Variants in XIRP2 observed in about 807,000 individuals in gnomAD.
XIRP2 encodes xin actin-binding repeat-containing protein 2.
XIRP2 carries 236 observed loss-of-function variants against 277.0 expected under a neutral mutation model. That is an observed-to-expected ratio of 0.85 (90% CI 0.77 to 0.95). The LOEUF (loss-of-function observed/expected upper bound fraction) is 0.95. Ranked by LOEUF, XIRP2 falls within the 40% of genes least tolerant of loss-of-function variation. The probability of loss-of-function intolerance (pLI) is 0.00; values close to 1 mark genes in which losing one functional copy is unlikely to be tolerated. For synonymous variants in XIRP2, 1,490 were observed against 1,416.5 expected (o/e 1.05, Z -1.17); for missense variants, 4,640 against 4,157.5 (o/e 1.12, Z -3.19).
At chr2:167,021,346 T>G (rs1000940938) in intron 2 of XIRP2, among the ~76,000 whole-genome samples, 43 of 152,220 alleles carry the variant, frequency 2.8e-4, no homozygotes, top group African/African-American at 9.9e-4. Context: ...AGAAAAATTG[T>G]ATGGTGATAC....
intron 2 of XIRP2, among the ~76,000 whole-genome samples, chr2:167,078,651 A>G (rs1367475563): frequency 1.3e-5 from 2 of 152,078 alleles, no homozygotes; most frequent in Non-Finnish European, 2.9e-5. Context: ...CCTGGCTAAC[A>G]TGGTGAAACC....
Position 167,248,442 on chromosome 2 carries a change from A to G in XIRP2, c.7050A>G (p.Pro2350=). The change falls in exon 9 of 11, where the codon CCA becomes CCG. Residue 2350 remains proline, a synonymous_variant. Coordinates refer to ENST00000409195, the MANE Select transcript of XIRP2 (RefSeq NM_152381.6). ...CAGGCCTCCCTCTTCCTCCACCTCC[A>G]GTAGATGAGAAATCTGAAAGAGAAA... ...SFPGLPLPPP[P]VDEKSERESS... The G allele has an allele frequency of 1.2e-6, 2 of 1,613,668 alleles. No homozygotes were observed. The highest frequency in any genetic ancestry group is 1.7e-6 in the Non-Finnish European group (2 of 1,179,766).
At chr2:166,934,205 A>AAC (rs1237839405) in intron 2 of XIRP2, among the ~76,000 whole-genome samples, 9 of 150,938 alleles carry the variant, frequency 6.0e-5, no homozygotes, top group African/African-American at 2.2e-4. Context: ...CAAAAAAAAA[A>AAC]AAAAAAAAAC....
At chr2:166,951,081 G>C (rs572236826) in intron 2 of XIRP2, among the ~76,000 whole-genome samples, 1 of 151,974 alleles carries the variant, frequency 6.6e-6, no homozygotes, top group African/African-American at 2.4e-5. Flanking sequence ...TAAAAACGAC[G>C]GAGTGGAGAA....
intron 2 of XIRP2, among the ~76,000 whole-genome samples, chr2:167,081,273 C>G (rs955565423): frequency 1.3e-5 from 2 of 151,958 alleles, no homozygotes; most frequent in Non-Finnish European, 2.9e-5. Context: ...TGAGACCAGC[C>G]TGGGCAACAC....
At chr2:167,219,832 G>A (rs969918240) in intron 5 of XIRP2, among the ~76,000 whole-genome samples, 1 of 152,158 alleles carries the variant, frequency 6.6e-6, no homozygotes, top group African/African-American at 2.4e-5. Flanking sequence ...TACTATGGAG[G>A]TTTAATGTGA....
At chr2:167,217,360 A>T (rs1694283951) in intron 4 of XIRP2, among the ~76,000 whole-genome samples, 1 of 152,098 alleles carries the variant, frequency 6.6e-6, no homozygotes, top group Admixed American at 6.6e-5. Context: ...TCTAATGTTA[A>T]AGCCCCCTGA....
At chr2:167,228,783 G>GGATT (rs1553502081) in intron 5 of XIRP2, among the ~76,000 whole-genome samples, 2 of 152,066 alleles carry the variant, frequency 1.3e-5, no homozygotes, top group Non-Finnish European at 2.9e-5. Flanking sequence ...TTCCAAAATA[G>GGATT]GATTTGTAGG....
intron 5 of XIRP2, among the ~76,000 whole-genome samples, chr2:167,236,868 A>G (rs933321096): frequency 1.4e-4 from 22 of 152,134 alleles, no homozygotes; most frequent in Non-Finnish European, 1.5e-4. Flanking sequence ...CATTACGATG[A>G]TCCAGCTTTC....
chr2:167,116,963 T>C (rs1690913560), intron 2 of XIRP2, among the ~76,000 whole-genome samples: 1 of 152,136 alleles, frequency 6.6e-6, no homozygotes, highest in Non-Finnish European at 1.5e-5. Context: ...AGAAATATGG[T>C]TTCATGTACA....
intron 10 of XIRP2, 116 bp from the exon 11 acceptor site, chr2:167,257,741 C>A: frequency 1.0e-6 from 1 of 966,474 alleles, no homozygotes; most frequent in Non-Finnish European, 1.5e-6. Flanking sequence ...TAGGGCCATT[C>A]CCATTGCTAG....
At chr2:167,009,713 C>T (rs2105467788) in intron 2 of XIRP2, among the ~76,000 whole-genome samples, 1 of 152,142 alleles carries the variant, frequency 6.6e-6, no homozygotes, top group South Asian at 2.1e-4. Context: ...TCTCCACATC[C>T]TCTCCAGCAC....
intron 3 of XIRP2, among the ~76,000 whole-genome samples, chr2:167,192,272 A>G (rs1394957568): frequency 6.6e-6 from 1 of 152,206 alleles, no homozygotes; most frequent in Non-Finnish European, 1.5e-5. Context: ...AAAACAATGA[A>G]CATTAAATTT....
At chr2:166,915,299 C>CAAAAAAAAAA (rs993808427) in intron 2 of XIRP2, among the ~76,000 whole-genome samples, 2 of 40,118 alleles carry the variant, frequency 5.0e-5, no homozygotes, top group African/African-American at 9.4e-5. Flanking sequence ...GACTCCGTCT[C>CAAAAAAAAAA]AAAAAAAAAA....
intron 2 of XIRP2, among the ~76,000 whole-genome samples, chr2:167,112,012 C>T (rs755225391): frequency 1.3e-5 from 2 of 152,038 alleles, no homozygotes; most frequent in Non-Finnish European, 2.9e-5. Context: ...GATAACACTG[C>T]CTTTGTTATT....
rs767027050 is a variant in XIRP2, at chr2:167,245,828, A to G, written c.4436A>G (p.Gln1479Arg). ...LEYENIKTVT[Q>R]EDVQKGDVKQ... is the part of the protein sequence containing the mutation. Reference sequence around the variant, plus strand: ...TATGAAAATATCAAGACAGTCACTCAGGAAGATGTGCAGAAAGGTGATGTT... The same window carrying G: ...TATGAAAATATCAAGACAGTCACTCGGGAAGATGTGCAGAAAGGTGATGTT... Residue 1479 changes from glutamine (Q) to arginine (R), a missense_variant, in exon 9 of 11, where the codon CAG becomes CGG. Coordinates refer to ENST00000409195, the MANE Select transcript of XIRP2 (RefSeq NM_152381.6). The G allele has an allele frequency of 1.2e-6, 2 of 1,613,786 alleles. No homozygotes were observed. Among genetic ancestry groups the G allele is most frequent in the Non-Finnish European group, 1.7e-6 (2 of 1,179,776 alleles).
At chr2:166,920,044 C>T (rs1684996718) in intron 2 of XIRP2, among the ~76,000 whole-genome samples, 1 of 151,990 alleles carries the variant, frequency 6.6e-6, no homozygotes, top group Non-Finnish European at 1.5e-5. Flanking sequence ...TTGAGTTTAC[C>T]GTTGAATGCC....
intron 2 of XIRP2, among the ~76,000 whole-genome samples, chr2:167,026,791 C>T (rs1412740181): frequency 1.3e-5 from 2 of 151,840 alleles, no homozygotes; most frequent in African/African-American, 4.8e-5. Flanking sequence ...CCCCCACTCT[C>T]TTCTGGGTTG....
chr2:167,248,366 T>G lies in XIRP2; in HGVS notation c.6974T>G (p.Phe2325Cys), dbSNP rs765634744. The G allele has an allele frequency of 6.8e-6, 11 of 1,613,740 alleles. No individual in the cohort carries two copies. The highest frequency in any genetic ancestry group is 1.1e-5 in the South Asian group (1 of 91,070). The change falls in exon 9 of 11, where the codon TTT becomes TGT. Residue 2325 changes from phenylalanine (F) to cysteine (C), a missense_variant. Physicochemically the swap from Phe to Cys is radical, Grantham distance 205. Coordinates refer to ENST00000409195, the MANE Select transcript of XIRP2 (RefSeq NM_152381.6). ...PLMMFPEKNG[F>C]LPSLSTEKIK... is the part of the protein sequence containing the mutation. Reference sequence around the variant, plus strand: ...ATGATGTTTCCTGAAAAAAATGGGTTTCTTCCCTCACTGTCCACAGAGAAG... The same window carrying G: ...ATGATGTTTCCTGAAAAAAATGGGTGTCTTCCCTCACTGTCCACAGAGAAG...
Sources: allele counts gnomAD v4.1 joint callset (sites outside exome capture counted in the v4.1 genomes callset), GRCh38; gene constraint gnomAD v4.1.1; transcripts MANE v1.5; gene names NCBI Gene and HGNC (gene_info 2026-07-23, HGNC 2026-07-21).